FBXL17: variants seen among roughly 807,000 people sequenced by gnomAD.
FBXL17 encodes the protein F-box and leucine rich repeat protein 17.
Under a neutral mutation model 66.2 loss-of-function variants are expected in FBXL17, and 22 were observed. The ratio of observed to expected loss-of-function variants is 0.33; its 90% CI spans 0.24 to 0.47. The LOEUF (loss-of-function observed/expected upper bound fraction) is 0.47, where lower values mean the gene tolerates loss of function less well. Among genes scored for constraint, FBXL17 ranks in the 20% least tolerant of loss-of-function variants. The pLI is 1.00. For missense variants in FBXL17, 878 were observed against 948.2 expected, an observed-to-expected ratio of 0.93 and a Z score of 0.97; for synonymous variants, 474 against 400.5, an observed-to-expected ratio of 1.18 and a Z score of -2.19.
chr5:108,019,231 T>C (rs1754496317), intron 7 of FBXL17, among the ~76,000 whole-genome samples: 1 of 152,150 alleles, frequency 6.6e-6, no homozygotes, highest in African/African-American at 2.4e-5. Context: ...GTGTCCTATA[T>C]GTGAAGGAAC....
At chr5:108,163,463 C>A (rs969891060) in intron 6 of FBXL17, among the ~76,000 whole-genome samples, 1 of 146,710 alleles carries the variant, frequency 6.8e-6, no homozygotes, top group Non-Finnish European at 1.5e-5. Flanking sequence ...TGCAGTGGCG[C>A]GATCTCGGCT....
intron 5 of FBXL17, among the ~76,000 whole-genome samples, chr5:108,219,928 CTTTTTTTTTTTT>C: frequency 5.3e-5 from 2 of 37,454 alleles, no homozygotes; most frequent in East Asian, 1.4e-3. Flanking sequence ...TTACTATTTC[CTTTTTTTTTTTT>C]TTTTTTTTTT....
At position 107,859,512 on chromosome 5, in the gene FBXL17, G is replaced by A. The variant is rs1157705781; in HGVS notation, c.*2208C>T. On this transcript the variant is annotated 3_prime_UTR_variant, in exon 9 of 9. Coordinates refer to ENST00000542267, the MANE Select transcript of FBXL17 (RefSeq NM_001163315.3). ...AGATTATGTTGCATCAGGCTTTCTGGATTAGTCAACATTTTAGAGAATAAG... is the reference window on the plus strand; with the variant it reads ...AGATTATGTTGCATCAGGCTTTCTGAATTAGTCAACATTTTAGAGAATAAG... The A allele has an allele frequency of 2.0e-5, 3 of 146,358 alleles. No homozygotes were observed. The highest frequency in any genetic ancestry group is 4.5e-5 in the Non-Finnish European group (3 of 67,324). 9.1% of individuals were successfully genotyped at this position (146,358 alleles called of 1,614,324 possible). A position where few individuals can be genotyped will look rare whatever the true frequency, so the allele number is the denominator to read the frequency against.
intron 4 of FBXL17, among the ~76,000 whole-genome samples, chr5:108,317,431 A>G (rs1759420088): frequency 6.6e-6 from 1 of 151,014 alleles, no homozygotes; most frequent in Non-Finnish European, 1.5e-5. Context: ...TGATTTGATC[A>G]TTACACATTG....
At chr5:108,314,128 C>A (rs892604270) in intron 4 of FBXL17, among the ~76,000 whole-genome samples, 2 of 151,570 alleles carry the variant, frequency 1.3e-5, no homozygotes, top group Non-Finnish European at 1.5e-5. Context: ...CTCAAATCTG[C>A]AAGAAAGATC....
intron 4 of FBXL17, among the ~76,000 whole-genome samples, chr5:108,292,730 T>C (rs1758166242): frequency 6.6e-6 from 1 of 152,208 alleles, no homozygotes; most frequent in African/African-American, 2.4e-5. Flanking sequence ...ATTAATGTCT[T>C]TCTCCTCCTA....
intron 6 of FBXL17, among the ~76,000 whole-genome samples, chr5:108,141,209 C>T (rs1433807032): frequency 1.3e-5 from 2 of 152,168 alleles, no homozygotes; most frequent in African/African-American, 4.8e-5. Context: ...CCTGGAAGAA[C>T]AGATCATCTG....
intron 4 of FBXL17, among the ~76,000 whole-genome samples, chr5:108,293,111 AC>A (rs1758189888): frequency 6.6e-6 from 1 of 151,272 alleles, no homozygotes; most frequent in African/African-American, 2.4e-5. Context: ...AAAAAAAAAA[AC>A]AAAAAAAAAC....
chr5:108,026,407 C>CT (rs1279964466), intron 6 of FBXL17, among the ~76,000 whole-genome samples: 2 of 152,042 alleles, frequency 1.3e-5, no homozygotes, highest in Non-Finnish European at 2.9e-5. Context: ...TTACAGTATA[C>CT]TTTTTTTGTA....
chr5:108,175,590 C>T (rs1752767214), intron 6 of FBXL17, among the ~76,000 whole-genome samples: 2 of 152,098 alleles, frequency 1.3e-5, no homozygotes, highest in Non-Finnish European at 2.9e-5. Flanking sequence ...ATACATAAAA[C>T]CTTTCCATTT....
chr5:108,146,341 G>A (rs986533792), intron 6 of FBXL17, among the ~76,000 whole-genome samples: 4 of 150,542 alleles, frequency 2.7e-5, no homozygotes, highest in Admixed American at 6.6e-5. Flanking sequence ...CCCCATATTC[G>A]AACGAGGATT....
intron 7 of FBXL17, among the ~76,000 whole-genome samples, chr5:107,931,379 C>T (rs1043601537): frequency 6.6e-6 from 1 of 151,658 alleles, no homozygotes; most frequent in Non-Finnish European, 1.5e-5. Context: ...CCCACCTCAG[C>T]CTCCCAAGTA....
chr5:108,174,249 C>T (rs1000737770), intron 6 of FBXL17, among the ~76,000 whole-genome samples: 1 of 152,018 alleles, frequency 6.6e-6, no homozygotes, highest in South Asian at 2.1e-4. Context: ...ATTAAATAAC[C>T]TTATTTTGTT....
chr5:107,891,373 G>A (rs1007059235), intron 7 of FBXL17, among the ~76,000 whole-genome samples: 1 of 152,136 alleles, frequency 6.6e-6, no homozygotes, highest in African/African-American at 2.4e-5. Context: ...AATATTTGGG[G>A]CACAGGAGTG....
At chr5:108,254,712 C>T (rs1402327645) in intron 4 of FBXL17, among the ~76,000 whole-genome samples, 1 of 152,158 alleles carries the variant, frequency 6.6e-6, no homozygotes, top group Admixed American at 6.6e-5. Flanking sequence ...TAATTTCACA[C>T]AAATATATAT....
At position 108,364,907 on chromosome 5, in the gene FBXL17, T is replaced by G. The variant is rs1269178460; in HGVS notation, c.1205A>C (p.Asn402Thr). The G allele has an allele frequency of 6.2e-7, 1 of 1,612,766 alleles. No individual in the cohort carries two copies. Among genetic ancestry groups the G allele is most frequent in the African/African-American group, 1.3e-5 (1 of 74,862 alleles). Residue 402 changes from asparagine (N) to threonine (T), a missense_variant, in exon 3 of 9, where the codon AAT becomes ACT. Asn to Thr is a moderately conservative substitution (Grantham distance 65). This residue lies in a region of FBXL17 where 236 missense variants were observed against 389.1 expected (regional missense o/e 0.61). Transcript: ENST00000542267. ...NISDCRSMSD[N>T]GVCVLAFKCP... ...TTTAAATGCTAAAACACATACGCCA[T>G]TATCAGACATACTGCGACAATCAGA...
intron 4 of FBXL17, among the ~76,000 whole-genome samples, chr5:108,292,749 T>C (rs1758167102): frequency 6.6e-6 from 1 of 152,122 alleles, no homozygotes; most frequent in South Asian, 2.1e-4. Context: ...TAAATAATAT[T>C]TAATTGGGAA....
chr5:107,880,438 T>C, intron 8 of FBXL17: 1 of 990,266 alleles, frequency 1.0e-6, no homozygotes, highest in Non-Finnish European at 1.2e-6. Flanking sequence ...CCTAAACTCA[T>C]GCTCACATCC....
intron 7 of FBXL17, among the ~76,000 whole-genome samples, chr5:107,945,139 A>G (rs1751239812): frequency 6.6e-6 from 1 of 152,134 alleles, no homozygotes; most frequent in Admixed American, 6.6e-5. Flanking sequence ...AAACTTGAAG[A>G]TTCAATACAC....
Sources: allele counts gnomAD v4.1 joint callset (sites outside exome capture counted in the v4.1 genomes callset), GRCh38; gene constraint gnomAD v4.1.1; regional missense constraint gnomAD v4.1.1; transcripts MANE v1.5; gene names NCBI Gene and HGNC (gene_info 2026-07-23, HGNC 2026-07-21).